Variants in RPS23 observed in about 807,000 individuals in gnomAD.
RPS23 encodes small ribosomal subunit protein uS12.
For synonymous variants in RPS23, 66 were observed against 60.4 expected, an observed-to-expected ratio of 1.09 and a Z score of -0.43; for missense variants, 73 against 174.5, an observed-to-expected ratio of 0.42 and a Z score of 3.28.
rs1747966064 is a variant in RPS23, at chr5:82,277,980, T to C, written c.5-128A>G. On this transcript the variant is annotated intron_variant, in intron 1 of 3. Transcript: ENST00000296674. The stretch of plus-strand genomic sequence containing the variant: ...GGCTCTCGTACTATTTATTGGCCTG[T>C]GGGCCAAACATTTGGCCTTCAAGTT... 3 of 866,230 alleles carry C rather than the reference T, an allele frequency of 3.5e-6. No individual in the cohort carries two copies. In the African/African-American group the frequency reaches 5.1e-5, roughly 15 times the overall value. The allele number at this position is 866,230 out of a possible 1,614,324, so 53.7% of individuals were successfully genotyped here. A position where few individuals can be genotyped will look rare whatever the true frequency, so the allele number is the denominator to read the frequency against.
rs141015769 is a variant in RPS23 at position 82,275,373 on chromosome 5, T to G, written c.*736A>C. On this transcript the variant is annotated 3_prime_UTR_variant, in exon 4 of 4. Transcript: ENST00000296674. ...TAAATTATCAAAACACAACCAATCT[T>G]GTCTCTACACTAAACCACTTCATTT... 87 of 701,050 alleles carry G rather than the reference T, an allele frequency of 1.2e-4. No homozygotes were observed. In the Admixed American group the frequency reaches 1.7e-3, roughly 14 times the overall value. The allele number at this position is 701,050 out of a possible 1,614,324, so 43.4% of individuals were successfully genotyped here. A position where few individuals can be genotyped will look rare whatever the true frequency, so the allele number is the denominator to read the frequency against.
Position 82,277,871 on chromosome 5 carries a change from A to C in RPS23, c.5-19T>G. 1.2e-6 allele frequency: 2 copies of C among 1,609,120 alleles called. No individual in the cohort carries two copies. Among genetic ancestry groups the C allele is most frequent in the Non-Finnish European group, 8.5e-7 (1 of 1,177,276 alleles). On this transcript the variant is annotated intron_variant, in intron 1 of 3. Transcript: ENST00000296674. ...CACTTGCCTAAAAATTAAATATTTT[A>C]GTTCTTCCGTAAAAACACGCCATCT...
chr5:82,275,954 T>C lies in RPS23; in HGVS notation c.*155A>G, dbSNP rs2112046985. ...CTGTCTTATTGTCTCCTAAAATTGG[T>C]ACAGGTCCTGCGTTTGCTGGTTTAG... is the stretch of plus-strand genomic sequence containing the variant. On this transcript the variant is annotated 3_prime_UTR_variant, in exon 4 of 4. Transcript: ENST00000296674. 1 of 664,752 alleles carries C rather than the reference T, an allele frequency of 1.5e-6. No individual in the cohort carries two copies. The allele number at this position is 664,752 out of a possible 1,614,324, so 41.2% of individuals were successfully genotyped here. A position where few individuals can be genotyped will look rare whatever the true frequency, so the allele number is the denominator to read the frequency against.
rs1011128825 is a variant in RPS23 at position 82,275,121 on chromosome 5, A to G, written c.*988T>C. On this transcript the variant is annotated 3_prime_UTR_variant, in exon 4 of 4. Coordinates refer to ENST00000296674, the MANE Select transcript of RPS23 (RefSeq NM_001025.5). ...AAGGTTCTGCTCTTGATCCTACGGAAAGTGGGCAACCAAACCAATTGTTTT... is the reference window on the plus strand; with the variant it reads ...AAGGTTCTGCTCTTGATCCTACGGAGAGTGGGCAACCAAACCAATTGTTTT... The G allele has an allele frequency of 4.5e-6, 3 of 668,856 alleles. No individual in the cohort carries two copies. Among genetic ancestry groups the G allele is most frequent in the African/African-American group, 1.8e-5 (1 of 56,152 alleles). 41.4% of individuals were successfully genotyped at this position (668,856 alleles called of 1,614,324 possible).
chr5:82,277,375 T>TA (rs1747885101), intron 2 of RPS23: 1 of 368,108 alleles, frequency 2.7e-6, no homozygotes, highest in South Asian at 2.5e-5. Context: ...ATCAAGTCGA[T>TA]AAAGTTCAAT....
Position 82,275,143 on chromosome 5 carries a change from T to C in RPS23, c.*966A>G. 1.5e-6 allele frequency: 1 copy of C among 685,664 alleles called. No individual in the cohort carries two copies. Among genetic ancestry groups the C allele is most frequent in the Non-Finnish European group, 2.7e-6 (1 of 375,666 alleles). The allele number at this position is 685,664 out of a possible 1,614,324, so 42.5% of individuals were successfully genotyped here. On this transcript the variant is annotated 3_prime_UTR_variant, in exon 4 of 4. Transcript: ENST00000296674. ...GGAAAGTGGGCAACCAAACCAATTG[T>C]TTTCCAAAGATCCTAAACAATGTAA... is the stretch of plus-strand genomic sequence containing the variant.
Position 82,274,107 on chromosome 5 carries a change from T to C in RPS23, c.*2002A>G, listed in dbSNP as rs1747716315. 2.0e-5 allele frequency: 3 copies of C among 152,226 alleles called. No homozygotes were observed. Among genetic ancestry groups the C allele is most frequent in the Admixed American group, 6.5e-5 (1 of 15,278 alleles). 9.4% of individuals were successfully genotyped at this position (152,226 alleles called of 1,614,324 possible). Reference sequence around the variant, plus strand: ...TTCCTTTGTTTTGGTCTTTGACAAATGGAAGTCCACAACATTTATTGAAAC... The same window carrying C: ...TTCCTTTGTTTTGGTCTTTGACAAACGGAAGTCCACAACATTTATTGAAAC... On this transcript the variant is annotated 3_prime_UTR_variant, in exon 4 of 4. Transcript: ENST00000296674.
chr5:82,277,431 G>A (rs1365754986), intron 2 of RPS23: 2 of 481,826 alleles, frequency 4.2e-6, no homozygotes, highest in Non-Finnish European at 7.5e-6. Context: ...CAGTAAAGGT[G>A]TTTGTGTCCT....
chr5:82,275,425 G>A lies in RPS23; in HGVS notation c.*684C>T. 1 of 653,550 alleles carries A rather than the reference G, an allele frequency of 1.5e-6. No individual in the cohort carries two copies. The highest frequency in any genetic ancestry group is 2.2e-5 in the Admixed American group (1 of 44,490). 40.5% of individuals were successfully genotyped at this position (653,550 alleles called of 1,614,324 possible). ...CTGACTAGTCTTTGAAGACATGAAG[G>A]TCTCTGACAACCTCATGAGAAGATA... is the stretch of plus-strand genomic sequence containing the variant. On this transcript the variant is annotated 3_prime_UTR_variant, in exon 4 of 4. Transcript: ENST00000296674.
At position 82,275,524 on chromosome 5, in the gene RPS23, T is replaced by C. The variant is rs1470446868; in HGVS notation, c.*585A>G. On this transcript the variant is annotated 3_prime_UTR_variant, in exon 4 of 4. Coordinates refer to ENST00000296674, the MANE Select transcript of RPS23 (RefSeq NM_001025.5). ...TACTTCCATCAACTAAATGATCCAA[T>C]GCCTGTATTCTCCTAAACACATTAA... 11 of 585,496 alleles carry C rather than the reference T, an allele frequency of 1.9e-5. No individual in the cohort carries two copies. The highest frequency in any genetic ancestry group is 2.7e-5 in the Non-Finnish European group (9 of 328,544). 36.3% of individuals were successfully genotyped at this position (585,496 alleles called of 1,614,324 possible). A position where few individuals can be genotyped will look rare whatever the true frequency, so the allele number is the denominator to read the frequency against.
At chr5:82,277,528 T>C (rs1008984672) in intron 2 of RPS23, 165 bp downstream of exon 2, 14 of 739,062 alleles carry the variant, frequency 1.9e-5, no homozygotes, top group African/African-American at 5.3e-5. Context: ...CAAAAACTAA[T>C]TTTACCAACT....
chr5:82,278,212 G>T, intron 1 of RPS23, 108 bp downstream of exon 1: 189 of 826,034 alleles, frequency 2.3e-4, no homozygotes, highest in Non-Finnish European at 3.3e-4. Context: ...CCTCCCCCAT[G>T]GAGCCTCTCC....
rs1048181990 is a variant in RPS23 at position 82,275,956 on chromosome 5, C to G, written c.*153G>C. The G allele has an allele frequency of 9.0e-6, 6 of 667,298 alleles. No individual in the cohort carries two copies. The highest frequency in any genetic ancestry group is 8.4e-4 in the Middle Eastern group (2 of 2,370). The allele number at this position is 667,298 out of a possible 1,614,324, so 41.3% of individuals were successfully genotyped here. A position where few individuals can be genotyped will look rare whatever the true frequency, so the allele number is the denominator to read the frequency against. ...GTCTTATTGTCTCCTAAAATTGGTA[C>G]AGGTCCTGCGTTTGCTGGTTTAGGA... is the stretch of plus-strand genomic sequence containing the variant. On this transcript the variant is annotated 3_prime_UTR_variant, in exon 4 of 4. Coordinates refer to ENST00000296674, the MANE Select transcript of RPS23 (RefSeq NM_001025.5).
At position 82,276,151 on chromosome 5, in the gene RPS23, A is replaced by G. The variant is rs754901067; in HGVS notation, c.390T>C (p.Leu130=). The G allele has an allele frequency of 3.7e-6, 6 of 1,611,306 alleles. No individual in the cohort carries two copies. The East Asian group carries it at 1.1e-4, about 30-fold the overall frequency. Residue 130 remains leucine, a synonymous_variant, in exon 4 of 4, where the codon CTT becomes CTC. Transcript: ENST00000296674. ...FKVVKVANVS[L]LALYKGKKER... ...CCTTCTTGCCTTTGTATAGGGCCAA[A>G]AGAGAAACATTGGCTACTTTGACAA... is the stretch of plus-strand genomic sequence containing the variant.
At position 82,275,223 on chromosome 5, in the gene RPS23, A is replaced by G; in HGVS notation, c.*886T>C. On this transcript the variant is annotated 3_prime_UTR_variant, in exon 4 of 4. Transcript: ENST00000296674. ...CCCATACTTACTATTTGTTAACAGG[A>G]GTTTCTTACATCAGATTTAAAGCAG... 1 of 702,580 alleles carries G rather than the reference A, an allele frequency of 1.4e-6. No individual in the cohort carries two copies. Among genetic ancestry groups the G allele is most frequent in the Non-Finnish European group, 2.6e-6 (1 of 384,996 alleles). The allele number at this position is 702,580 out of a possible 1,614,324, so 43.5% of individuals were successfully genotyped here.
Position 82,274,885 on chromosome 5 carries a change from A to T in RPS23, c.*1224T>A, listed in dbSNP as rs1747738514. 1 of 278,602 alleles carries T rather than the reference A, an allele frequency of 3.6e-6. No homozygotes were observed. The highest frequency in any genetic ancestry group is 4.8e-5 in the Admixed American group (1 of 20,694). 17.3% of individuals were successfully genotyped at this position (278,602 alleles called of 1,614,324 possible). A position where few individuals can be genotyped will look rare whatever the true frequency, so the allele number is the denominator to read the frequency against. On this transcript the variant is annotated 3_prime_UTR_variant, in exon 4 of 4. Transcript: ENST00000296674. Reference sequence around the variant, plus strand: ...AAGAGATAAACCGAAGTGTGCTGGAAAACACACGAGCTCTTTAGTAAGAGC... The same window carrying T: ...AAGAGATAAACCGAAGTGTGCTGGATAACACACGAGCTCTTTAGTAAGAGC...
rs758376532 is a variant in RPS23, at chr5:82,278,304, G to T, written c.4+16C>A. Reference sequence around the variant, plus strand: ...GTCCCGCTTGCAGCGCCCTTAAACCGGCCACAACAGCTCACCCATCCTGTC... The same window carrying T: ...GTCCCGCTTGCAGCGCCCTTAAACCTGCCACAACAGCTCACCCATCCTGTC... On this transcript the variant is annotated intron_variant, in intron 1 of 3. Transcript: ENST00000296674. The T allele has an allele frequency of 2.3e-5, 37 of 1,584,100 alleles. No individual in the cohort carries two copies. Among genetic ancestry groups the T allele is most frequent in the South Asian group, 5.6e-5 (5 of 89,744 alleles).
chr5:82,276,000 G>C lies in RPS23; in HGVS notation c.*109C>G. On this transcript the variant is annotated 3_prime_UTR_variant, in exon 4 of 4. Transcript: ENST00000296674. ...TTTAGGATAAAAAAAATAAGGGGGG[G>C]TGGTGGTGGTAATGAACATGATCTT... 5 of 1,007,206 alleles carry C rather than the reference G, an allele frequency of 5.0e-6. No individual in the cohort carries two copies. The South Asian group carries it at 6.5e-5, about 13-fold the overall frequency. The allele number at this position is 1,007,206 out of a possible 1,614,324, so 62.4% of individuals were successfully genotyped here. A position where few individuals can be genotyped will look rare whatever the true frequency, so the allele number is the denominator to read the frequency against.
chr5:82,276,845 C>CAAAAAA (rs374894611), intron 2 of RPS23: 6,629 of 133,982 alleles, frequency 0.049, 251 homozygotes, highest in African/African-American at 0.071. Context: ...GACCCTATCT[C>CAAAAAA]AAAAAAAAAA....
Sources: allele counts gnomAD v4.1 joint callset, GRCh38; gene constraint gnomAD v4.1.1; transcripts MANE v1.5; gene names NCBI Gene and HGNC (gene_info 2026-07-23, HGNC 2026-07-21).